Variants in RNF13 observed in about 807,000 individuals in gnomAD.
RNF13 encodes ring finger protein 13, also known as E3 ubiquitin-protein ligase RNF13.
In RNF13, 19 loss-of-function variants were observed where a neutral mutation model predicts 37.7. That is an observed-to-expected ratio of 0.50 (90% CI 0.35 to 0.74). The LOEUF (loss-of-function observed/expected upper bound fraction) is 0.74, where lower values mean the gene tolerates loss of function less well. RNF13 is among the 30% of genes least tolerant of loss of function. The pLI, the probability that RNF13 is intolerant of heterozygous loss-of-function variation, is 0.01. For missense variants in RNF13, 375 were observed against 453.0 expected (o/e 0.83, Z 1.56); for synonymous variants, 144 against 157.8 (o/e 0.91, Z 0.65).
intron 4 of RNF13, among the ~76,000 whole-genome samples, chr3:149,879,819 C>G (rs1713173448): frequency 6.6e-6 from 1 of 152,136 alleles, no homozygotes; most frequent in African/African-American, 2.4e-5. Flanking sequence ...GGGAAAGTCT[C>G]TTTGTAAGGC....
At chr3:149,933,223 A>G (rs1175676401) in intron 8 of RNF13, among the ~76,000 whole-genome samples, 2 of 149,054 alleles carry the variant, frequency 1.3e-5, no homozygotes, top group African/African-American at 5.0e-5. Flanking sequence ...CTTTCCTCCT[A>G]GGCCTCTGGG....
In RNF13 at chr3:149,905,398, T is replaced by G. The variant is rs555023229; in HGVS notation, c.500+3236T>G. On this transcript the variant is annotated intron_variant, in intron 6 of 9. Coordinates refer to ENST00000392894, the MANE Select transcript of RNF13 (RefSeq NM_183381.3). ...CTTATATTTTATCTTTTATGAGCTGTTTACCTCTAGGCCAGTTTTTTGTAT... is the reference window on the plus strand; with the variant it reads ...CTTATATTTTATCTTTTATGAGCTGGTTACCTCTAGGCCAGTTTTTTGTAT... 2.6e-5 allele frequency among the ~76,000 whole-genome samples: 4 copies of G among 152,088 alleles called. No homozygotes were observed. In the East Asian group the frequency reaches 7.7e-4, roughly 29 times the overall value.
At chr3:149,944,682 G>T (rs1720598808) in intron 8 of RNF13, among the ~76,000 whole-genome samples, 1 of 151,896 alleles carries the variant, frequency 6.6e-6, no homozygotes, top group South Asian at 2.1e-4. Flanking sequence ...TAAATTTGTT[G>T]GAGTTCTTTG....
At chr3:149,919,209 T>C (rs983127255) in intron 7 of RNF13, among the ~76,000 whole-genome samples, 1 of 152,232 alleles carries the variant, frequency 6.6e-6, no homozygotes, top group African/African-American at 2.4e-5. Context: ...TTGGTAAGTT[T>C]TGATGTAGGT....
At chr3:149,879,051 A>G (rs1324008549) in intron 4 of RNF13, among the ~76,000 whole-genome samples, 2 of 152,124 alleles carry the variant, frequency 1.3e-5, no homozygotes, top group African/African-American at 4.8e-5. Context: ...CCAATTTATA[A>G]CTAGAAGTTT....
intron 8 of RNF13, among the ~76,000 whole-genome samples, chr3:149,936,459 T>C (rs1177732979): frequency 2.6e-5 from 4 of 152,106 alleles, no homozygotes; most frequent in Non-Finnish European, 5.9e-5. Context: ...ATTTTCAAAT[T>C]GTCTTTGAGC....
intron 5 of RNF13, among the ~76,000 whole-genome samples, chr3:149,895,883 C>G (rs1241654362): frequency 6.6e-6 from 1 of 152,144 alleles, no homozygotes; most frequent in Non-Finnish European, 1.5e-5. Flanking sequence ...TTTAGAGATT[C>G]ACAGCATTAT....
chr3:149,906,189 C>T (rs1269740439), intron 6 of RNF13, among the ~76,000 whole-genome samples: 1 of 151,940 alleles, frequency 6.6e-6, no homozygotes, highest in Admixed American at 6.6e-5. Context: ...GAATAGCTTT[C>T]CATTGTATGG....
At chr3:149,938,286 TCC>T (rs1184839487) in intron 8 of RNF13, among the ~76,000 whole-genome samples, 4 of 151,988 alleles carry the variant, frequency 2.6e-5, no homozygotes, top group Non-Finnish European at 5.9e-5. Flanking sequence ...CAAGCAATTC[TCC>T]TCCTTCAGCC....
intron 7 of RNF13, among the ~76,000 whole-genome samples, chr3:149,915,609 A>T (rs1486907333): frequency 6.6e-6 from 1 of 152,232 alleles, no homozygotes; most frequent in Non-Finnish European, 1.5e-5. Context: ...GTGTACATTG[A>T]TGGATGAAGG....
At chr3:149,935,610 G>A (rs1426466747) in intron 8 of RNF13, among the ~76,000 whole-genome samples, 1 of 152,090 alleles carries the variant, frequency 6.6e-6, no homozygotes, top group East Asian at 1.9e-4. Flanking sequence ...AAGTTATTCT[G>A]AATATATGAG....
chr3:149,919,406 TA>T (rs975162177), intron 7 of RNF13, among the ~76,000 whole-genome samples: 1 of 152,140 alleles, frequency 6.6e-6, no homozygotes, highest in Non-Finnish European at 1.5e-5. Context: ...CTCCCCTCAC[TA>T]CCCTTCTCCA....
intron 3 of RNF13, among the ~76,000 whole-genome samples, chr3:149,864,321 C>T (rs1724578555): frequency 1.3e-5 from 2 of 152,074 alleles, no homozygotes; most frequent in East Asian, 3.9e-4. Flanking sequence ...CCTTCACCTT[C>T]CACTATGCAT....
intron 4 of RNF13, among the ~76,000 whole-genome samples, chr3:149,883,570 T>C (rs1249966885): frequency 6.6e-6 from 1 of 152,188 alleles, no homozygotes; most frequent in Non-Finnish European, 1.5e-5. Flanking sequence ...TTTATAGCTG[T>C]TTTAAAATCC....
At chr3:149,901,292 G>T (rs1233397907) in intron 5 of RNF13, among the ~76,000 whole-genome samples, 3 of 152,216 alleles carry the variant, frequency 2.0e-5, no homozygotes, top group African/African-American at 7.2e-5. Context: ...GAAAACAAAT[G>T]GGCCTTCTCT....
chr3:149,825,957 TCTTTGTATCTTTATATTTA>T (rs1720462252), intron 1 of RNF13, among the ~76,000 whole-genome samples: 1 of 152,178 alleles, frequency 6.6e-6, no homozygotes, highest in Admixed American at 6.5e-5. Flanking sequence ...TCCCTACCCC[TCTTTGTATCTTTATATTTA>T]CTGTCCTATC....
At chr3:149,829,654 CTAT>C (rs539377415) in intron 1 of RNF13, among the ~76,000 whole-genome samples, 52 of 152,162 alleles carry the variant, frequency 3.4e-4, no homozygotes, top group East Asian at 1.4e-3. Context: ...AAGAGAAGCC[CTAT>C]TATTGTTGTT....
chr3:149,864,899 C>T (rs536361095), intron 3 of RNF13, among the ~76,000 whole-genome samples: 14 of 152,258 alleles, frequency 9.2e-5, no homozygotes, highest in African/African-American at 2.9e-4. Flanking sequence ...TTGTTGCCAT[C>T]CCTCCCTCCT....
rs188497914 is a variant in RNF13 at position 149,921,090 on chromosome 3, G to A, written c.607-44G>A. On this transcript the variant is annotated intron_variant, in intron 7 of 9. Coordinates refer to ENST00000392894, the MANE Select transcript of RNF13 (RefSeq NM_183381.3). ...TTATTTTAATGGTCACTTTCTCTTT[G>A]CACATTTAATATCTGACTCCTTTTT... 2.4e-5 allele frequency: 18 copies of A among 737,458 alleles called. No homozygotes were observed. In the East Asian group the frequency reaches 4.9e-4, roughly 20 times the overall value. The allele number at this position is 737,458 out of a possible 1,614,324, so 45.7% of individuals were successfully genotyped here.
Sources: allele counts gnomAD v4.1 joint callset (sites outside exome capture counted in the v4.1 genomes callset), GRCh38; gene constraint gnomAD v4.1.1; transcripts MANE v1.5; gene names NCBI Gene and HGNC (gene_info 2026-07-23, HGNC 2026-07-21).